The following UBL3 variants were observed in gnomAD, a reference collection of about 807,000 sequenced individuals.
UBL3 encodes ubiquitin like 3.
A neutral mutation model predicts 18.4 loss-of-function variants in UBL3; 6 were observed. That is an observed-to-expected ratio of 0.33 (90% CI 0.18 to 0.64). The LOEUF (loss-of-function observed/expected upper bound fraction) is 0.64. Ranked by LOEUF, UBL3 falls within the 30% of genes least tolerant of loss-of-function variation. The pLI is 0.76. For missense variants in UBL3, 109 were observed against 142.9 expected (o/e 0.76, Z 1.21); for synonymous variants, 49 against 46.6 (o/e 1.05, Z -0.21).
chr13:29,809,030 T>A (rs1341926377), intron 1 of UBL3, among the ~76,000 whole-genome samples: 2 of 152,140 alleles, frequency 1.3e-5, no homozygotes, highest in Non-Finnish European at 2.9e-5. Context: ...CTCTACAAGG[T>A]ATTAATCATG....
chr13:29,840,632 A>C (rs1879073937), intron 1 of UBL3, among the ~76,000 whole-genome samples: 1 of 152,204 alleles, frequency 6.6e-6, no homozygotes, highest in Non-Finnish European at 1.5e-5. Flanking sequence ...TTTATCCAGA[A>C]ATTCAAGGAT....
chr13:29,792,026 T>C (rs540358180), intron 1 of UBL3, among the ~76,000 whole-genome samples: 15 of 152,332 alleles, frequency 9.8e-5, no homozygotes, highest in African/African-American at 3.6e-4. Flanking sequence ...TTGTGTTTTG[T>C]TTCTCGATTA....
In UBL3 at chr13:29,792,182, C is replaced by G. The variant is rs922350517; in HGVS notation, c.28-14919G>C. Among the ~76,000 whole-genome samples the G allele has an allele frequency of 2.6e-5, 4 of 152,098 alleles. 1 individual carries two copies. Among genetic ancestry groups the G allele is most frequent in the African/African-American group, 9.7e-5 (4 of 41,414 alleles). ...CTAGAGTATGTGTGCCAAACTATAGCCAACATTACTAAAATATTTCAAAGA... is the reference window on the plus strand; with the variant it reads ...CTAGAGTATGTGTGCCAAACTATAGGCAACATTACTAAAATATTTCAAAGA... On this transcript the variant is annotated intron_variant, in intron 1 of 4. Transcript: ENST00000380680.
At position 29,800,726 on chromosome 13, in the gene UBL3, C is replaced by T. The variant is rs1464964494; in HGVS notation, c.28-23463G>A. Among the ~76,000 whole-genome samples the T allele has an allele frequency of 4.6e-5, 7 of 152,300 alleles. No homozygotes were observed. The East Asian group carries it at 7.7e-4, about 17-fold the overall frequency. Reference sequence around the variant, plus strand: ...ACCTTTCGGCAGGATAGTTACCTGCCGGTCTGCTAAATCGTTGGAGCAACA... The same window carrying T: ...ACCTTTCGGCAGGATAGTTACCTGCTGGTCTGCTAAATCGTTGGAGCAACA... On this transcript the variant is annotated intron_variant, in intron 1 of 4. Transcript: ENST00000380680.
At chr13:29,788,838 AGTGTGTGTGTGTGTGTGTGT>A (rs58898742) in intron 1 of UBL3, among the ~76,000 whole-genome samples, 1 of 138,144 alleles carries the variant, frequency 7.2e-6, no homozygotes, top group Admixed American at 7.3e-5. Flanking sequence ...TTAATGGGGA[AGTGTGTGTGTGTGTGTGTGT>A]GTGTGTGTGT....
rs1876703479 is a variant in UBL3 at position 29,766,925 on chromosome 13, AG to A, written c.*329del. ...TTGTATTTGGAACACTTGATTTATT[AG>A]TTCTGATGATGAAAATTTTGTGGCA... On this transcript the variant is annotated 3_prime_UTR_variant, in exon 5 of 5. Coordinates refer to ENST00000380680, the MANE Select transcript of UBL3 (RefSeq NM_007106.4). The A allele has an allele frequency of 5.9e-5, 12 of 202,354 alleles. No homozygotes were observed. The highest frequency in any genetic ancestry group is 1.1e-4 in the Non-Finnish European group (11 of 101,150). 12.5% of individuals were successfully genotyped at this position (202,354 alleles called of 1,614,324 possible).
rs1323288671 is a variant in UBL3, at chr13:29,850,406, C to T, written c.-868G>A. 6.5e-6 allele frequency: 1 copy of T among 153,492 alleles called. No individual in the cohort carries two copies. The highest frequency in any genetic ancestry group is 2.4e-5 in the African/African-American group (1 of 41,446). 9.5% of individuals were successfully genotyped at this position (153,492 alleles called of 1,614,324 possible). A position where few individuals can be genotyped will look rare whatever the true frequency, so the allele number is the denominator to read the frequency against. ...CCTTCCCTTCCCCTCCCCTCCCCGG[C>T]CTCGCGAGCTCCGGGCGACGCCGAC... On this transcript the variant is annotated 5_prime_UTR_variant, in exon 1 of 5. Coordinates refer to ENST00000380680, the MANE Select transcript of UBL3 (RefSeq NM_007106.4).
At chr13:29,803,893 T>C (rs572755346) in intron 1 of UBL3, among the ~76,000 whole-genome samples, 11 of 152,038 alleles carry the variant, frequency 7.2e-5, no homozygotes, top group African/African-American at 2.7e-4. Flanking sequence ...GGCAGAAAAT[T>C]AGCAAAGATT....
intron 1 of UBL3, among the ~76,000 whole-genome samples, chr13:29,845,912 T>C (rs1779455678): frequency 6.6e-6 from 1 of 152,142 alleles, no homozygotes; most frequent in Admixed American, 6.5e-5. Context: ...ATAGATAAAG[T>C]ATAATTTTAG....
intron 1 of UBL3, among the ~76,000 whole-genome samples, chr13:29,793,965 C>T (rs1398990308): frequency 6.6e-6 from 1 of 152,186 alleles, no homozygotes; most frequent in African/African-American, 2.4e-5. Context: ...CTGCCTCAGC[C>T]TCCCAAGTAG....
intron 1 of UBL3, among the ~76,000 whole-genome samples, chr13:29,836,359 C>CAAATAAAT (rs533801530): frequency 1.1e-4 from 17 of 151,338 alleles, no homozygotes; most frequent in Non-Finnish European, 1.9e-4. Flanking sequence ...AATAAATAAA[C>CAAATAAAT]AAATAAATAA....
At chr13:29,784,838 T>C (rs1452212163) in intron 1 of UBL3, among the ~76,000 whole-genome samples, 1 of 13,486 alleles carries the variant, frequency 7.4e-5, no homozygotes, top group African/African-American at 1.8e-4. Flanking sequence ...CATACACACA[T>C]GCACACACAC....
intron 1 of UBL3, among the ~76,000 whole-genome samples, chr13:29,799,326 T>C (rs1050112278): frequency 7.2e-5 from 11 of 152,248 alleles, no homozygotes; most frequent in African/African-American, 2.7e-4. Flanking sequence ...ATGTATTACT[T>C]AATTCATACC....
At chr13:29,842,448 C>T (rs965692220) in intron 1 of UBL3, among the ~76,000 whole-genome samples, 35 of 151,888 alleles carry the variant, frequency 2.3e-4, no homozygotes, top group African/African-American at 7.5e-4. Flanking sequence ...TGTGAGCCAC[C>T]GTGCCCAGCC....
intron 1 of UBL3, among the ~76,000 whole-genome samples, chr13:29,779,951 C>T (rs1180683973): frequency 6.6e-6 from 1 of 152,174 alleles, no homozygotes; most frequent in African/African-American, 2.4e-5. Context: ...GGCTCCTATG[C>T]TCTCTCCCTC....
At chr13:29,829,095 G>A (rs1007450033) in intron 1 of UBL3, among the ~76,000 whole-genome samples, 1 of 152,088 alleles carries the variant, frequency 6.6e-6, no homozygotes, top group African/African-American at 2.4e-5. Context: ...ACTAGGGGGT[G>A]CCTCCCAGTA....
intron 1 of UBL3, among the ~76,000 whole-genome samples, chr13:29,839,360 C>T (rs562872401): frequency 6.6e-6 from 1 of 152,060 alleles, no homozygotes; most frequent in Non-Finnish European, 1.5e-5. Context: ...GCTGAGAGCA[C>T]AAGGGAAGTT....
At chr13:29,801,261 G>A (rs959079523) in intron 1 of UBL3, among the ~76,000 whole-genome samples, 2 of 152,040 alleles carry the variant, frequency 1.3e-5, no homozygotes, top group Non-Finnish European at 1.5e-5. Context: ...AGGCACACCC[G>A]CTCTCAGAAC....
chr13:29,776,191 AG>A (rs1876983278), intron 2 of UBL3, among the ~76,000 whole-genome samples: 1 of 150,264 alleles, frequency 6.7e-6, no homozygotes, highest in Admixed American at 6.6e-5. Flanking sequence ...TGGTAAAAAT[AG>A]GTTTACTGAT....
Sources: allele counts gnomAD v4.1 joint callset (sites outside exome capture counted in the v4.1 genomes callset), GRCh38; gene constraint gnomAD v4.1.1; transcripts MANE v1.5; gene names NCBI Gene and HGNC (gene_info 2026-07-23, HGNC 2026-07-21).